SUPT3H: variants seen among roughly 807,000 people sequenced by gnomAD.
SUPT3H encodes the protein SPT3 homolog, SAGA and STAGA complex component.
In SUPT3H, 44 loss-of-function variants were observed where a neutral mutation model predicts 44.3. That is an observed-to-expected ratio of 0.99 (90% confidence interval 0.78 to 1.28). SUPT3H has a LOEUF of 1.28. Ranked by LOEUF, SUPT3H falls within the 50% of genes most tolerant of loss-of-function variation. SUPT3H has a pLI of 0.00. For missense variants in SUPT3H, 380 were observed against 387.1 expected (o/e 0.98, Z 0.15); for synonymous variants, 124 against 125.6 (o/e 0.99, Z 0.09).
At chr6:45,154,087 A>AAAAAAAAAAAAAAAAAAAAAAAAAAAC (rs70996303) in intron 2 of SUPT3H, among the ~76,000 whole-genome samples, 1 of 114,596 alleles carries the variant, frequency 8.7e-6, no homozygotes, top group Non-Finnish European at 1.8e-5. Flanking sequence ...AAAAAAAAAA[A>AAAAAAAAAAAAAAAAAAAAAAAAAAAC]AGCGCTTAGT....
intron 10 of SUPT3H, among the ~76,000 whole-genome samples, chr6:44,879,408 G>C (rs1480242399): frequency 2.0e-5 from 3 of 152,232 alleles, no homozygotes; most frequent in Non-Finnish European, 4.4e-5. Context: ...ATCTCTGAAA[G>C]AAAGGCAGCA....
At chr6:45,359,637 T>C (rs1258277859) in intron 2 of SUPT3H, among the ~76,000 whole-genome samples, 4 of 152,218 alleles carry the variant, frequency 2.6e-5, no homozygotes, top group Admixed American at 1.3e-4. Flanking sequence ...AATAAGTATA[T>C]AGTAAGTATA....
chr6:45,174,332 C>A (rs1811323213), intron 2 of SUPT3H, among the ~76,000 whole-genome samples: 1 of 152,166 alleles, frequency 6.6e-6, no homozygotes, highest in Non-Finnish European at 1.5e-5. Flanking sequence ...AAGTGTATCG[C>A]CTTTCTCTAA....
intron 6 of SUPT3H, among the ~76,000 whole-genome samples, chr6:44,981,174 C>T: frequency 6.6e-6 from 1 of 152,128 alleles, no homozygotes; most frequent in East Asian, 1.9e-4. Context: ...GGGAGAAATA[C>T]ACTACAGGAT....
At chr6:45,296,180 CA>C (rs1273428434) in intron 2 of SUPT3H, among the ~76,000 whole-genome samples, 3 of 83,556 alleles carry the variant, frequency 3.6e-5, no homozygotes, top group Non-Finnish European at 5.5e-5. Context: ...TATACATACA[CA>C]TACTACACAC....
chr6:45,076,746 T>C (rs1164824515), intron 3 of SUPT3H, among the ~76,000 whole-genome samples: 3 of 152,168 alleles, frequency 2.0e-5, no homozygotes, highest in Non-Finnish European at 2.9e-5. Flanking sequence ...ACACTAATGA[T>C]TTCTTACAAT....
intron 10 of SUPT3H, among the ~76,000 whole-genome samples, chr6:44,862,270 G>A (rs1374036270): frequency 6.6e-6 from 1 of 151,812 alleles, no homozygotes; most frequent in African/African-American, 2.4e-5. Flanking sequence ...TCAAAATTCA[G>A]CTCAGGCAAT....
intron 2 of SUPT3H, among the ~76,000 whole-genome samples, chr6:45,279,723 T>C (rs755786610): frequency 1.6e-4 from 25 of 152,162 alleles, no homozygotes; most frequent in Non-Finnish European, 3.2e-4. Flanking sequence ...AGTTCACATA[T>C]TTCATTATAG....
At chr6:44,962,649 T>C (rs1776194588) in intron 6 of SUPT3H, among the ~76,000 whole-genome samples, 1 of 152,110 alleles carries the variant, frequency 6.6e-6, no homozygotes, top group Non-Finnish European at 1.5e-5. Context: ...AGCACATAAG[T>C]ACCATTTCTT....
At chr6:45,235,987 C>T (rs927334140) in intron 2 of SUPT3H, among the ~76,000 whole-genome samples, 6 of 152,120 alleles carry the variant, frequency 3.9e-5, no homozygotes, top group Non-Finnish European at 5.9e-5. Flanking sequence ...TAGCCAGAGC[C>T]CATCCCTTTG....
chr6:44,821,148 G>C (rs990386712), intron 11 of SUPT3H, among the ~76,000 whole-genome samples: 106 of 152,080 alleles, frequency 7.0e-4, no homozygotes, highest in African/African-American at 2.4e-3. Context: ...ACTGTGGCCC[G>C]GTCTGAGAAA....
intron 3 of SUPT3H, among the ~76,000 whole-genome samples, chr6:45,058,845 T>C (rs1314477587): frequency 6.6e-6 from 1 of 152,110 alleles, no homozygotes; most frequent in Non-Finnish European, 1.5e-5. Flanking sequence ...CCCTCTCCAC[T>C]TACCCATCTT....
chr6:44,819,625 C>T (rs1767146046), intron 11 of SUPT3H, among the ~76,000 whole-genome samples: 1 of 150,562 alleles, frequency 6.6e-6, no homozygotes, highest in Non-Finnish European at 1.5e-5. Flanking sequence ...GACCCTGTCT[C>T]TATAAAAAGA....
chr6:44,980,008 A>G (rs1247954021), intron 6 of SUPT3H, among the ~76,000 whole-genome samples: 1 of 152,160 alleles, frequency 6.6e-6, no homozygotes, highest in Non-Finnish European at 1.5e-5. Flanking sequence ...CTACATATAT[A>G]AGCCAAAATT....
downstream of SUPT3H, among the ~76,000 whole-genome samples, chr6:44,825,344 G>GCAAT (rs1767662239): frequency 6.6e-6 from 1 of 152,122 alleles, no homozygotes; most frequent in Non-Finnish European, 1.5e-5. Flanking sequence ...AAATTTTCTT[G>GCAAT]CAATCAAATT....
At chr6:45,128,531 A>AAAAAAAAAT (rs1802836902) in intron 2 of SUPT3H, among the ~76,000 whole-genome samples, 1 of 51,094 alleles carries the variant, frequency 2.0e-5, no homozygotes, top group African/African-American at 8.6e-5. Flanking sequence ...AAAAAAAAAA[A>AAAAAAAAAT]AAATATATAT....
chr6:44,887,778 C>G (rs1310282445), intron 10 of SUPT3H, among the ~76,000 whole-genome samples: 2 of 151,248 alleles, frequency 1.3e-5, no homozygotes, highest in Non-Finnish European at 1.5e-5. Context: ...CAGAGCAGAA[C>G]TGAAGGAAAT....
intron 2 of SUPT3H, among the ~76,000 whole-genome samples, chr6:45,163,008 C>A (rs995548365): frequency 2.6e-5 from 4 of 152,154 alleles, no homozygotes; most frequent in Non-Finnish European, 4.4e-5. Context: ...AGCACAAGAA[C>A]AACTGATGTT....
intron 2 of SUPT3H, chr6:45,321,984 T>C (rs1785565307): frequency 2.7e-6 from 2 of 740,938 alleles, no homozygotes; most frequent in Non-Finnish European, 4.4e-6. Flanking sequence ...GTAAAAAGTC[T>C]TGTGACCTCC....
Sources: allele counts gnomAD v4.1 joint callset (sites outside exome capture counted in the v4.1 genomes callset), GRCh38; gene constraint gnomAD v4.1.1; transcripts MANE v1.5; gene names NCBI Gene and HGNC (gene_info 2026-07-23, HGNC 2026-07-21).